The following BMERB1 variants were observed in gnomAD, a reference collection of about 807,000 sequenced individuals.
BMERB1 encodes bMERB domain-containing protein 1.
A neutral mutation model predicts 23.6 loss-of-function variants in BMERB1; 12 were observed. The ratio of observed to expected loss-of-function variants is 0.51; its 90% CI spans 0.33 to 0.82. The LOEUF (loss-of-function observed/expected upper bound fraction) is 0.82, where lower values mean the gene tolerates loss of function less well. Ranked by LOEUF, BMERB1 falls within the 40% of genes least tolerant of loss-of-function variation. BMERB1 has a pLI of 0.03. For missense variants in BMERB1, 247 were observed against 255.4 expected, an observed-to-expected ratio of 0.97 and a Z score of 0.22; for synonymous variants, 122 against 96.6, an observed-to-expected ratio of 1.26 and a Z score of -1.54.
At position 15,568,061 on chromosome 16, in the gene BMERB1, C is replaced by A. The variant is rs1325069518; in HGVS notation, c.304+5C>A. 8 of 1,613,680 alleles carry A rather than the reference C, an allele frequency of 5.0e-6. No individual in the cohort carries two copies. The Admixed American group carries it at 1.2e-4, about 24-fold the overall frequency. The stretch of plus-strand genomic sequence containing the variant: ...AGAACTTGGTCGCCATCCCAGGTAA[C>A]CATTTGCAACTTCACCTTGTGCTAA... On this transcript the variant is annotated splice_donor_5th_base_variant and intron_variant, in intron 3 of 5. Transcript: ENST00000300006.
At chr16:15,454,722 G>A (rs1375072973) in intron 1 of BMERB1, among the ~76,000 whole-genome samples, 1 of 151,658 alleles carries the variant, frequency 6.6e-6, no homozygotes, top group African/African-American at 2.4e-5. Flanking sequence ...AACCCAGAAG[G>A]CGGAGGTTGC....
chr16:15,497,092 TAC>T (rs1033610070), intron 1 of BMERB1, among the ~76,000 whole-genome samples: 1 of 152,148 alleles, frequency 6.6e-6, no homozygotes, highest in African/African-American at 2.4e-5. Flanking sequence ...CTGACACTGT[TAC>T]CAAAACACCA....
intron 2 of BMERB1, among the ~76,000 whole-genome samples, chr16:15,557,967 C>G (rs933218545): frequency 2.0e-5 from 3 of 152,082 alleles, no homozygotes; most frequent in Non-Finnish European, 2.9e-5. Flanking sequence ...TGGCTTCAAC[C>G]TGTGAGGCGG....
At chr16:15,579,835 C>G (rs1235506479) in intron 3 of BMERB1, among the ~76,000 whole-genome samples, 1 of 152,166 alleles carries the variant, frequency 6.6e-6, no homozygotes, top group Non-Finnish European at 1.5e-5. Context: ...CCTGCCTTTG[C>G]AGAAGACCCT....
intron 1 of BMERB1, among the ~76,000 whole-genome samples, chr16:15,505,049 GA>G (rs1486465389): frequency 6.6e-6 from 1 of 152,152 alleles, no homozygotes; most frequent in African/African-American, 2.4e-5. Flanking sequence ...CCATGGCTGA[GA>G]ATTGTCCTTC....
chr16:15,542,631 ATTTT>A (rs927255507), intron 2 of BMERB1, among the ~76,000 whole-genome samples: 12 of 96,858 alleles, frequency 1.2e-4, no homozygotes, highest in Admixed American at 2.2e-4. Flanking sequence ...CCTCCTAGGG[ATTTT>A]TTTTTTTTTT....
At chr16:15,582,164 CAAG>C in intron 4 of BMERB1, among the ~76,000 whole-genome samples, 1 of 152,150 alleles carries the variant, frequency 6.6e-6, no homozygotes, top group Non-Finnish European at 1.5e-5. Flanking sequence ...TCTGGGAGGC[CAAG>C]GTGGGTGGAT....
intron 3 of BMERB1, among the ~76,000 whole-genome samples, chr16:15,569,164 T>C (rs752656271): frequency 2.0e-5 from 3 of 151,904 alleles, no homozygotes; most frequent in Non-Finnish European, 4.4e-5. Context: ...TGCAGTGAGG[T>C]GAGATCTCAC....
chr16:15,462,940 C>T (rs116792020), intron 1 of BMERB1, among the ~76,000 whole-genome samples: 2,084 of 152,206 alleles, frequency 0.014, 56 homozygotes, highest in African/African-American at 0.049. Flanking sequence ...CAGAGTCCTC[C>T]CGCAAATGAA....
At chr16:15,548,823 C>G (rs1459708100) in intron 2 of BMERB1, among the ~76,000 whole-genome samples, 1 of 152,130 alleles carries the variant, frequency 6.6e-6, no homozygotes, top group East Asian at 1.9e-4. Flanking sequence ...GGTGCAATGA[C>G]TCTGATGGGA....
chr16:15,543,421 G>A (rs531163692), intron 2 of BMERB1, among the ~76,000 whole-genome samples: 3 of 152,236 alleles, frequency 2.0e-5, no homozygotes, highest in African/African-American at 7.2e-5. Context: ...AGGCTTGAGG[G>A]TGGAGCCCTC....
At chr16:15,521,705 C>G (rs1281649689) in intron 2 of BMERB1, among the ~76,000 whole-genome samples, 1 of 152,148 alleles carries the variant, frequency 6.6e-6, no homozygotes, top group Non-Finnish European at 1.5e-5. Flanking sequence ...TTAGAGATCT[C>G]TTTCTTGAGG....
intron 2 of BMERB1, among the ~76,000 whole-genome samples, chr16:15,565,067 G>C (rs1376630380): frequency 6.8e-6 from 1 of 147,296 alleles, no homozygotes; most frequent in Non-Finnish European, 1.5e-5. Flanking sequence ...AAAAAAAAAA[G>C]CACTCAGCCA....
At chr16:15,583,107 T>C in intron 4 of BMERB1, 49 bp from the exon 5 acceptor site, 1 of 1,405,130 alleles carries the variant, frequency 7.1e-7, no homozygotes, top group East Asian at 2.3e-5. Flanking sequence ...CTTGATGCTT[T>C]CCTTGCTTGC....
At position 15,468,162 on chromosome 16, in the gene BMERB1, T is replaced by TTTTTTTTTTTTTTTTTTTTTTTC. The variant is rs57267276; in HGVS notation, c.106+33404_106+33405insTTTTTTTTTTTTTTTTTTTTTCT. Among the ~76,000 whole-genome samples the TTTTTTTTTTTTTTTTTTTTTTTC allele has an allele frequency of 3.1e-5, 2 of 64,532 alleles. 1 individual carries two copies. The highest frequency in any genetic ancestry group is 6.2e-5 in the Non-Finnish European group (2 of 32,170). 42.3% of individuals were successfully genotyped at this position (64,532 alleles called of 152,430 possible). On this transcript the variant is annotated intron_variant, in intron 1 of 5. Transcript: ENST00000300006. ...TTTTTTTTTTTTTTTTTTTTTTTTT[T>TTTTTTTTTTTTTTTTTTTTTTTC]TGAGGCAGGGTCTCAGTCTGTCACC...
intron 1 of BMERB1, among the ~76,000 whole-genome samples, chr16:15,456,803 A>T (rs1288995764): frequency 6.6e-6 from 1 of 152,028 alleles, no homozygotes; most frequent in African/African-American, 2.4e-5. Flanking sequence ...ATTTTTGCAC[A>T]TTGTCCAATT....
At chr16:15,441,225 G>GT (rs1238770324) in intron 1 of BMERB1, among the ~76,000 whole-genome samples, 1 of 152,044 alleles carries the variant, frequency 6.6e-6, no homozygotes, top group Non-Finnish European at 1.5e-5. Context: ...GTTTTTTGAG[G>GT]TTTTTTGTTT....
intron 2 of BMERB1, among the ~76,000 whole-genome samples, chr16:15,534,269 GA>G (rs2052000106): frequency 1.1e-5 from 1 of 91,658 alleles, no homozygotes; most frequent in Non-Finnish European, 2.0e-5. Flanking sequence ...CAAAGACCTT[GA>G]TTTTTTTTTT....
chr16:15,468,162 T>TTTTTTTTTC (rs57267276), intron 1 of BMERB1, among the ~76,000 whole-genome samples: 15 of 64,554 alleles, frequency 2.3e-4, no homozygotes, highest in Non-Finnish European at 3.1e-4. Context: ...TTTTTTTTTT[T>TTTTTTTTTC]TGAGGCAGGG....
Sources: allele counts gnomAD v4.1 joint callset (sites outside exome capture counted in the v4.1 genomes callset), GRCh38; gene constraint gnomAD v4.1.1; transcripts MANE v1.5; gene names NCBI Gene and HGNC (gene_info 2026-07-23, HGNC 2026-07-21).